Variants in FANCC observed in about 807,000 individuals in gnomAD.
FANCC encodes the protein Fanconi anemia group C protein.
In FANCC, 55 loss-of-function variants were observed where a neutral mutation model predicts 71.3. The ratio of observed to expected loss-of-function variants is 0.77; its 90% CI spans 0.62 to 0.97. The LOEUF is 0.97. Among genes scored for constraint, FANCC ranks in the 50% least tolerant of loss-of-function variants. The pLI, the probability that FANCC is intolerant of heterozygous loss-of-function variation, is 0.00. For synonymous variants in FANCC, 275 were observed against 244.9 expected, an observed-to-expected ratio of 1.12 and a Z score of -1.15; for missense variants, 678 against 670.9, an observed-to-expected ratio of 1.01 and a Z score of -0.12.
intron 1 of FANCC, among the ~76,000 whole-genome samples, chr9:95,291,989 TA>T: frequency 5.4e-5 from 7 of 129,494 alleles, no homozygotes; most frequent in South Asian, 2.5e-4. Context: ...TATATATATA[TA>T]TATTAAGACC....
chr9:95,163,314 C>T (rs910327197), intron 6 of FANCC, among the ~76,000 whole-genome samples: 3 of 152,156 alleles, frequency 2.0e-5, no homozygotes, highest in African/African-American at 7.2e-5. Flanking sequence ...TATGCCAGTA[C>T]CACACTGTTT....
rs544462486 is a variant in FANCC, at chr9:95,192,511, A to G, written c.346-20364T>C. The stretch of plus-strand genomic sequence containing the variant: ...CTTTTCTCATTTTCAAAGTGAGGAT[A>G]TAACATTTTTCACAGGGAGCTGTTC... On this transcript the variant is annotated intron_variant, in intron 4 of 14. Coordinates refer to ENST00000289081, the MANE Select transcript of FANCC (RefSeq NM_000136.3). Among the ~76,000 whole-genome samples, 6 of 152,360 alleles carry G rather than the reference A, an allele frequency of 3.9e-5. No individual in the cohort carries two copies. The East Asian group carries it at 9.6e-4, about 24-fold the overall frequency.
intron 4 of FANCC, among the ~76,000 whole-genome samples, chr9:95,202,767 T>A (rs1398460849): frequency 6.6e-6 from 1 of 152,184 alleles, no homozygotes; most frequent in Non-Finnish European, 1.5e-5. Context: ...TTCTTCTTCA[T>A]CCCCAAACTA....
At chr9:95,216,151 T>C (rs534264728) in intron 4 of FANCC, among the ~76,000 whole-genome samples, 1 of 152,270 alleles carries the variant, frequency 6.6e-6, no homozygotes, top group South Asian at 2.1e-4. Flanking sequence ...GGATGTACCA[T>C]GCAAACAGTA....
chr9:95,141,537 C>G (rs768051456), intron 7 of FANCC, among the ~76,000 whole-genome samples: 51 of 152,034 alleles, frequency 3.4e-4, no homozygotes, highest in Non-Finnish European at 5.7e-4. Flanking sequence ...AACATAAACC[C>G]AACATCTTGA....
chr9:95,224,924 C>G (rs1201728593), intron 4 of FANCC, among the ~76,000 whole-genome samples: 2 of 152,156 alleles, frequency 1.3e-5, no homozygotes, highest in Admixed American at 6.5e-5. Flanking sequence ...ATTCAAACCA[C>G]ACAGCTTTTA....
rs747060782 is a variant in FANCC, at chr9:95,126,550, C to T, written c.875G>A (p.Arg292Gln). Residue 292 changes from arginine to glutamine, a missense_variant, in exon 9 of 15, where the codon CGG becomes CAG. Transcript: ENST00000289081. Reference protein sequence around the residue: ...PQAACHPAIFRVVDEMFRCAL... With the variant: ...PQAACHPAIFQVVDEMFRCAL... ...TTACCTGAACATCTCATCAACAACC[C>T]GGAATATGGCAGGGTGGCAGGCTGC... 35 of 1,613,904 alleles carry T rather than the reference C, an allele frequency of 2.2e-5. No homozygotes were observed. Among genetic ancestry groups the T allele is most frequent in the East Asian group, 2.2e-5 (1 of 44,888 alleles).
intron 11 of FANCC, 39 bp downstream of exon 11, chr9:95,117,276 G>A: frequency 6.3e-7 from 1 of 1,578,772 alleles, no homozygotes; most frequent in Non-Finnish European, 8.7e-7. Flanking sequence ...CTCTTCCCAG[G>A]AAATCATTCT....
rs778698378 is a variant in FANCC, at chr9:95,114,533, G to A, written c.1154+96C>T. ...CCTGTTTGGTGATGGTCCCAGACCA[G>A]TAATGCCTTCCTCTGTCAGCCCTGC... is the stretch of plus-strand genomic sequence containing the variant. On this transcript the variant is annotated intron_variant, in intron 12 of 14. Transcript: ENST00000289081. 5 of 1,103,034 alleles carry A rather than the reference G, an allele frequency of 4.5e-6. No homozygotes were observed. In the African/African-American group the frequency reaches 7.7e-5, roughly 17 times the overall value. The allele number at this position is 1,103,034 out of a possible 1,614,324, so 68.3% of individuals were successfully genotyped here.
chr9:95,219,475 T>C (rs1442247147), intron 4 of FANCC, among the ~76,000 whole-genome samples: 2 of 152,170 alleles, frequency 1.3e-5, no homozygotes, highest in Non-Finnish European at 2.9e-5. Context: ...CTGTTTTTTT[T>C]CAAATCACCA....
chr9:95,178,684 C>A (rs1430731177), intron 4 of FANCC, among the ~76,000 whole-genome samples: 2 of 152,218 alleles, frequency 1.3e-5, no homozygotes, highest in Non-Finnish European at 2.9e-5. Flanking sequence ...AAGAGTGGAA[C>A]CCCAAAGAAC....
chr9:95,281,142 CAG>C (rs1187873929), intron 1 of FANCC, among the ~76,000 whole-genome samples: 2 of 152,030 alleles, frequency 1.3e-5, no homozygotes, highest in South Asian at 2.1e-4. Flanking sequence ...GAAATAATAA[CAG>C]AAAGTATTTC....
chr9:95,197,757 C>G (rs1388690421), intron 4 of FANCC, among the ~76,000 whole-genome samples: 1 of 152,182 alleles, frequency 6.6e-6, no homozygotes, highest in African/African-American at 2.4e-5. Context: ...CCTTCTACTG[C>G]TGCTGCAGCC....
At chr9:95,252,274 C>CAAAAAAAAAAAAAAAAAAAAAAAAAAAAA (rs71366284) in intron 1 of FANCC, among the ~76,000 whole-genome samples, 4 of 50,152 alleles carry the variant, frequency 8.0e-5, no homozygotes, top group Admixed American at 2.8e-4. Flanking sequence ...GAGACTGATT[C>CAAAAAAAAAAAAAAAAAAAAAAAAAAAAA]AAAAAAAAAA....
At chr9:95,132,624 C>CT (rs777563218) in intron 8 of FANCC, among the ~76,000 whole-genome samples, 21 of 152,162 alleles carry the variant, frequency 1.4e-4, no homozygotes, top group Non-Finnish European at 3.1e-4. Context: ...GTCCACCGCA[C>CT]GGAAGCCAAA....
At chr9:95,176,707 A>C (rs1032758386) in intron 4 of FANCC, among the ~76,000 whole-genome samples, 1 of 152,284 alleles carries the variant, frequency 6.6e-6, no homozygotes, top group Non-Finnish European at 1.5e-5. Flanking sequence ...CTGTTATTGT[A>C]TATCACAATC....
chr9:95,151,120 C>T (rs1404747708), intron 6 of FANCC, among the ~76,000 whole-genome samples: 2 of 152,184 alleles, frequency 1.3e-5, no homozygotes, highest in African/African-American at 4.8e-5. Context: ...TTCAAGTGCC[C>T]TCTTACCCGT....
chr9:95,276,738 G>A (rs189566847), intron 1 of FANCC, among the ~76,000 whole-genome samples: 20 of 152,260 alleles, frequency 1.3e-4, no homozygotes, highest in African/African-American at 3.4e-4. Flanking sequence ...CATAATTATC[G>A]GTTCATCAAC....
intron 1 of FANCC, chr9:95,293,617 C>G: frequency 6.2e-7 from 1 of 1,614,196 alleles, no homozygotes; most frequent in Non-Finnish European, 8.5e-7. Flanking sequence ...AACTTTATAC[C>G]TTCTGCACAG....
Sources: allele counts gnomAD v4.1 joint callset (sites outside exome capture counted in the v4.1 genomes callset), GRCh38; gene constraint gnomAD v4.1.1; transcripts MANE v1.5; gene names NCBI Gene and HGNC (gene_info 2026-07-23, HGNC 2026-07-21).